RHOT1: variants seen among roughly 807,000 people sequenced by gnomAD.
RHOT1 encodes the protein mitochondrial Rho GTPase 1.
Under a neutral mutation model 95.3 loss-of-function variants are expected in RHOT1, and 27 were observed. That is an observed-to-expected ratio of 0.28 (90% CI 0.21 to 0.39). RHOT1 has a LOEUF of 0.39. RHOT1 is among the 10% of genes least tolerant of loss of function. The pLI is 1.00. For synonymous variants in RHOT1, 227 were observed against 263.5 expected, an observed-to-expected ratio of 0.86 and a Z score of 1.34; for missense variants, 578 against 786.7, an observed-to-expected ratio of 0.73 and a Z score of 3.17.
intron 1 of RHOT1, among the ~76,000 whole-genome samples, chr17:32,152,204 A>G (rs2032400064): frequency 6.6e-6 from 1 of 152,146 alleles, no homozygotes; most frequent in Admixed American, 6.5e-5. Flanking sequence ...TGTCTTTACG[A>G]CACCTTCTCT....
chr17:32,215,248 G>A (rs539900558), intron 19 of RHOT1, among the ~76,000 whole-genome samples: 2 of 152,246 alleles, frequency 1.3e-5, no homozygotes, highest in South Asian at 4.1e-4. Flanking sequence ...AATTAAATTA[G>A]TAGACAAGTA....
At chr17:32,192,392 A>T in intron 9 of RHOT1, 93 bp downstream of exon 9, 3 of 730,958 alleles carry the variant, frequency 4.1e-6, no homozygotes. Context: ...AACAACAAGA[A>T]CAGTATGTTA....
At chr17:32,150,506 C>T (rs2032153715) in intron 1 of RHOT1, 14 of 1,324,880 alleles carry the variant, frequency 1.1e-5, no homozygotes, top group Non-Finnish European at 1.5e-5. Context: ...TCTTTAAAGC[C>T]TTGCCTTATC....
At chr17:32,172,123 A>G (rs994486059) in intron 2 of RHOT1, among the ~76,000 whole-genome samples, 4 of 152,220 alleles carry the variant, frequency 2.6e-5, no homozygotes, top group Non-Finnish European at 5.9e-5. Context: ...TCTAGTTTAG[A>G]TAGGAATATC....
chr17:32,209,894 A>G (rs1230577780), intron 18 of RHOT1, among the ~76,000 whole-genome samples: 1 of 152,126 alleles, frequency 6.6e-6, no homozygotes, highest in Non-Finnish European at 1.5e-5. Flanking sequence ...CCAGTATGAC[A>G]GCTGGCAGAG....
At chr17:32,222,254 A>G (rs12452678) in intron 19 of RHOT1, among the ~76,000 whole-genome samples, 4 of 152,312 alleles carry the variant, frequency 2.6e-5, no homozygotes, top group Admixed American at 2.6e-4. Flanking sequence ...TACTCTCATC[A>G]TAGGTCCATG....
At position 32,224,767 on chromosome 17, in the gene RHOT1, A is replaced by G; in HGVS notation, c.*34A>G. 1 of 1,293,942 alleles carries G rather than the reference A, an allele frequency of 7.7e-7. No individual in the cohort carries two copies. The highest frequency in any genetic ancestry group is 1.1e-6 in the Non-Finnish European group (1 of 896,928). The allele number at this position is 1,293,942 out of a possible 1,614,324, so 80.2% of individuals were successfully genotyped here. ...GAAATACTGTCCCTACCAAAAACAA[A>G]TACTTTTATGTACATTCTGAATGCT... On this transcript the variant is annotated 3_prime_UTR_variant, in exon 20 of 20. Transcript: ENST00000545287.
At position 32,194,126 on chromosome 17, in the gene RHOT1, T is replaced by TTG. The variant is rs113600852; in HGVS notation, c.869+20_869+21insGT. The TTG allele has an allele frequency of 6.2e-7, 1 of 1,608,600 alleles. No homozygotes were observed. The highest frequency in any genetic ancestry group is 1.3e-5 in the African/African-American group (1 of 74,568). ...TCCCCCTGTATGTACCTTTGTTTTT[T>TTG]TTGTTGTTGTTGTTGTTTAATTTTT... On this transcript the variant is annotated intron_variant, in intron 11 of 19. Transcript: ENST00000545287.
Position 32,183,277 on chromosome 17 carries a change from C to T in RHOT1, c.540+5C>T. ...TACTGCCCAGAGGAGAAGGAGGTAACAGGCTGTGTTTATAGGGGCTGGAAT... is the reference window on the plus strand; with the variant it reads ...TACTGCCCAGAGGAGAAGGAGGTAATAGGCTGTGTTTATAGGGGCTGGAAT... On this transcript the variant is annotated splice_donor_5th_base_variant and intron_variant, in intron 8 of 19. Transcript: ENST00000545287. 7.0e-7 allele frequency: 1 copy of T among 1,429,506 alleles called. No individual in the cohort carries two copies. The highest frequency in any genetic ancestry group is 9.3e-7 in the Non-Finnish European group (1 of 1,079,874). 88.6% of individuals were successfully genotyped at this position (1,429,506 alleles called of 1,614,324 possible). A position where few individuals can be genotyped will look rare whatever the true frequency, so the allele number is the denominator to read the frequency against.
At chr17:32,169,551 CAT>C (rs1321030904) in intron 1 of RHOT1, among the ~76,000 whole-genome samples, 1 of 152,148 alleles carries the variant, frequency 6.6e-6, no homozygotes, top group Admixed American at 6.5e-5. Flanking sequence ...GAGAAATGAG[CAT>C]TCTGATATTC....
intron 19 of RHOT1, among the ~76,000 whole-genome samples, chr17:32,224,415 C>A (rs939713524): frequency 3.9e-5 from 6 of 152,110 alleles, no homozygotes; most frequent in Non-Finnish European, 5.9e-5. Context: ...TTATTAGTAT[C>A]TACATTGTGT....
chr17:32,222,046 T>G (rs1386164206), intron 19 of RHOT1, among the ~76,000 whole-genome samples: 1 of 152,230 alleles, frequency 6.6e-6, no homozygotes, highest in Non-Finnish European at 1.5e-5. Context: ...ATAGCTAGCT[T>G]AAATCCTAAT....
chr17:32,170,688 C>T (rs912334357), intron 1 of RHOT1, among the ~76,000 whole-genome samples: 10 of 152,060 alleles, frequency 6.6e-5, no homozygotes, highest in Admixed American at 2.0e-4. Flanking sequence ...TGCCCAAATG[C>T]ATAATTAAGT....
At chr17:32,202,501 A>C (rs1011654563) in intron 14 of RHOT1, among the ~76,000 whole-genome samples, 1 of 152,166 alleles carries the variant, frequency 6.6e-6, no homozygotes, top group African/African-American at 2.4e-5. Flanking sequence ...AAAATATACT[A>C]TTTTATGATG....
chr17:32,168,259 A>T (rs1567670751), intron 1 of RHOT1, among the ~76,000 whole-genome samples: 1 of 151,926 alleles, frequency 6.6e-6, no homozygotes, highest in East Asian at 1.9e-4. Flanking sequence ...ACACACACTC[A>T]CATACACATG....
chr17:32,146,780 G>C (rs112595427), intron 1 of RHOT1, among the ~76,000 whole-genome samples: 13,928 of 130,370 alleles, frequency 0.11, 875 homozygotes, highest in Non-Finnish European at 0.15. Context: ...TTTGAGACAG[G>C]GTCTTGCTCT....
At chr17:32,154,247 C>A (rs1335268575) in intron 1 of RHOT1, among the ~76,000 whole-genome samples, 2 of 149,808 alleles carry the variant, frequency 1.3e-5, no homozygotes, top group Non-Finnish European at 3.0e-5. Context: ...TTGAGGCCAG[C>A]CTGGACAACA....
In RHOT1 at chr17:32,155,246, G is replaced by A. The variant is rs550105170; in HGVS notation, c.37+12517G>A. On this transcript the variant is annotated intron_variant, in intron 1 of 19. Coordinates refer to ENST00000545287, the MANE Select transcript of RHOT1 (RefSeq NM_001033566.3). ...GCGATCTCGGCTCACTGCAAGCTCCGCCTCCTGGGTTCACGCCATTCTCCT... is the reference window on the plus strand; with the variant it reads ...GCGATCTCGGCTCACTGCAAGCTCCACCTCCTGGGTTCACGCCATTCTCCT... Among the ~76,000 whole-genome samples, 12 of 151,576 alleles carry A rather than the reference G, an allele frequency of 7.9e-5. No homozygotes were observed. In the South Asian group the frequency reaches 1.9e-3, roughly 24 times the overall value.
At position 32,150,846 on chromosome 17, in the gene RHOT1, G is replaced by C. The variant is rs573805129; in HGVS notation, c.37+8117G>C. On this transcript the variant is annotated intron_variant, in intron 1 of 19. Coordinates refer to ENST00000545287, the MANE Select transcript of RHOT1 (RefSeq NM_001033566.3). ...GGTCTAAGAGCTGAGGTGGAAGGGA[G>C]CTGTAGAAATCTGAAACCACGGGAG... 4.3e-5 allele frequency: 66 copies of C among 1,523,758 alleles called. No individual in the cohort carries two copies. The South Asian group carries it at 7.3e-4, about 17-fold the overall frequency. The allele number at this position is 1,523,758 out of a possible 1,614,324, so 94.4% of individuals were successfully genotyped here.
Sources: allele counts gnomAD v4.1 joint callset (sites outside exome capture counted in the v4.1 genomes callset), GRCh38; gene constraint gnomAD v4.1.1; transcripts MANE v1.5; gene names NCBI Gene and HGNC (gene_info 2026-07-23, HGNC 2026-07-21).